RTL5: variants seen among roughly 807,000 people sequenced by gnomAD.
RTL5 encodes the protein retrotransposon Gag-like protein 5.
In RTL5, 8 loss-of-function variants were observed where a neutral mutation model predicts 7.7. The ratio of observed to expected loss-of-function variants is 1.04; its 90% CI spans 0.61 to 1.88. The LOEUF (loss-of-function observed/expected upper bound fraction) is 1.88, where lower values mean the gene tolerates loss of function less well. RTL5 is among the 40% of genes most tolerant of loss of function. The pLI is 0.00. For missense variants in RTL5, 457 were observed against 472.7 expected, an observed-to-expected ratio of 0.97 and a Z score of 0.31; for synonymous variants, 188 against 191.8, an observed-to-expected ratio of 0.98 and a Z score of 0.16.
At chrX:72,131,885 G>A (rs1012339101), upstream of RTL5, 5 of 391,110 alleles carry the variant, frequency 1.3e-5, no homozygotes, top group Admixed American at 2.6e-4. Flanking sequence ...AGCGGAGCGG[G>A]AGGGAGCGGA....
At chrX:72,130,230 C>T in exon 1 of RTL5, 1 of 1,210,184 alleles carries the variant, frequency 8.3e-7, no homozygotes, top group South Asian at 1.8e-5. Context: ...CCTGCTGTGG[C>T]TCTCCTTCTG....
exon 1 of RTL5, chrX:72,131,805 C>G (rs186715317): frequency 4.3e-6 from 1 of 231,981 alleles, no homozygotes; most frequent in East Asian, 9.0e-5. Flanking sequence ...CCGGAGGCGC[C>G]AGGCGGAGGA....
exon 1 of RTL5, chrX:72,131,100 C>A: frequency 1.7e-6 from 2 of 1,206,823 alleles, no homozygotes; most frequent in Non-Finnish European, 1.1e-6. Flanking sequence ...GCCGCTCCAG[C>A]GGTGCCAGAG....
exon 1 of RTL5, chrX:72,131,229 C>A: frequency 8.3e-7 from 1 of 1,203,178 alleles, no homozygotes; most frequent in Non-Finnish European, 1.1e-6. Flanking sequence ...TCACGTTAAT[C>A]AAAAGATCAT....
exon 1 of RTL5, chrX:72,131,622 C>G (rs1247890548): frequency 2.0e-6 from 2 of 987,615 alleles, no homozygotes; most frequent in Non-Finnish European, 2.7e-6. Context: ...GGCCGAAATG[C>G]GGCGGCGGGG....
exon 1 of RTL5, chrX:72,131,339 TCTC>T (rs777050838): frequency 8.3e-7 from 1 of 1,203,283 alleles, no homozygotes; most frequent in African/African-American, 1.8e-5. Flanking sequence ...AACTCCAAGT[TCTC>T]CTCCGCAAGG....
In RTL5 at chrX:72,131,789, C is replaced by T; in HGVS notation, c.-249G>A. The T allele has an allele frequency of 4.5e-6, 1 of 220,156 alleles. No individual in the cohort carries two copies. Among genetic ancestry groups the T allele is most frequent in the East Asian group, 8.8e-5 (1 of 11,394 alleles). The allele number at this position is 220,156 out of a possible 1,213,427, so 18.1% of individuals were successfully genotyped here. On this transcript the variant is annotated 5_prime_UTR_variant, in exon 1 of 1. In the 5' UTR this introduces an upstream ATG that the reference lacks. Coordinates refer to ENST00000609883, the Ensembl canonical transcript of RTL5. ...GGGCCGGAGAGGGCGGGCGGAGGCA[C>T]GGGGCCCGGAGGCGCCAGGCGGAGG... is the stretch of plus-strand genomic sequence containing the variant.
chrX:72,127,334 G>A (rs941821224), downstream of RTL5: 3 of 89,490 alleles, frequency 3.4e-5, no homozygotes, highest in African/African-American at 1.4e-4. Flanking sequence ...TCCTCTTACA[G>A]CTCTTATGGC....
exon 1 of RTL5, chrX:72,131,471 C>T: frequency 8.3e-7 from 1 of 1,207,744 alleles, no homozygotes. Flanking sequence ...CCGCGAAGGG[C>T]ATTTAATTCT....
At position 72,131,506 on chromosome X, in the gene RTL5, C is replaced by T. The variant is rs367810289; in HGVS notation, c.35G>A (p.Arg12His). The change falls in exon 1 of 1, where the codon CGC becomes CAC. Residue 12 changes from arginine to histidine, a missense_variant. By Grantham distance (29) the Arg-to-His change is conservative (BLOSUM62 0). Transcript: ENST00000609883. ...TTCGCGCAGGGCCACATTCGCCATG[C>T]GGAGGCTGTTGAGATTTCCTGACGC... The T allele has an allele frequency of 5.9e-6, 7 of 1,195,441 alleles. No individual in the cohort carries two copies. The African/African-American group carries it at 1.2e-4, about 21-fold the overall frequency.
exon 1 of RTL5, chrX:72,130,372 T>G (rs1242215471): frequency 1.4e-5 from 16 of 1,167,891 alleles, no homozygotes; most frequent in Non-Finnish European, 1.8e-5. Flanking sequence ...CTTCTCTTCC[T>G]TCTTCTTCAT....
exon 1 of RTL5, chrX:72,128,242 T>C (rs1449563125): frequency 1.8e-5 from 2 of 111,746 alleles, no homozygotes; most frequent in Non-Finnish European, 3.8e-5. Flanking sequence ...CCTCCAGCTT[T>C]TTTCTCTTGC....
chrX:72,129,822 C>A lies in RTL5; in HGVS notation c.*9G>T, dbSNP rs1436469150. The A allele has an allele frequency of 1.4e-5, 16 of 1,182,513 alleles. 1 individual carries two copies. The East Asian group carries it at 4.8e-4, about 35-fold the overall frequency. ...GGGTGTGTTCTGGGTGGCCATCTGG[C>A]CCCAGCACTCAAACTCGAATTCGGC... On this transcript the variant is annotated 3_prime_UTR_variant, in exon 1 of 1. Transcript: ENST00000609883.
exon 1 of RTL5, chrX:72,130,305 G>C: frequency 8.4e-7 from 1 of 1,185,175 alleles, no homozygotes; most frequent in South Asian, 1.8e-5. Context: ...CCTCATTCTT[G>C]TTCCTTATCT....
At chrX:72,129,827 G>A (rs2042265856) in exon 1 of RTL5, 5 of 1,185,939 alleles carry the variant, frequency 4.2e-6, no homozygotes, top group African/African-American at 1.7e-5. Context: ...TCTGGCCCCA[G>A]CACTCAAACT....
exon 1 of RTL5, chrX:72,131,247 A>G (rs1378409887): frequency 5.0e-6 from 6 of 1,197,728 alleles, no homozygotes; most frequent in Non-Finnish European, 5.6e-6. Context: ...CATCCGAGAT[A>G]CAGTCGGGCT....
downstream of RTL5, chrX:72,127,634 C>T (rs1478903340): frequency 8.9e-6 from 1 of 112,495 alleles, no homozygotes; most frequent in East Asian, 2.8e-4. Context: ...TCCACTGCCT[C>T]GAAGAATAGC....
chrX:72,130,778 C>T, exon 1 of RTL5: 4 of 1,211,693 alleles, frequency 3.3e-6, no homozygotes, highest in Non-Finnish European at 4.5e-6. Context: ...AAAGCATCTG[C>T]ATAGCTGCCG....
chrX:72,128,862 G>A (rs1947258065), exon 1 of RTL5: 1 of 113,252 alleles, frequency 8.8e-6, no homozygotes, highest in Non-Finnish European at 1.9e-5. Context: ...CTGGCAAGGG[G>A]AGAAGACCAC....
Sources: allele counts gnomAD v4.1 joint callset, GRCh38; gene constraint gnomAD v4.1.1; transcripts MANE v1.5; gene names NCBI Gene and HGNC (gene_info 2026-07-23, HGNC 2026-07-21).